LIMCH1: variants seen among roughly 807,000 people sequenced by gnomAD.
The protein encoded by LIMCH1 is LIM and calponin homology domains-containing protein 1.
In LIMCH1, 113 loss-of-function variants were observed where a neutral mutation model predicts 176.5. The ratio of observed to expected loss-of-function variants is 0.64; its 90% CI spans 0.55 to 0.75. LIMCH1 has a LOEUF of 0.75. Among genes scored for constraint, LIMCH1 ranks in the 30% least tolerant of loss-of-function variants. The probability of loss-of-function intolerance (pLI) is 0.00; values close to 1 mark genes in which losing one functional copy is unlikely to be tolerated. For synonymous variants in LIMCH1, 619 were observed against 645.9 expected (o/e 0.96, Z 0.63); for missense variants, 1,674 against 1,814.9 (o/e 0.92, Z 1.41).
At chr4:41,454,093 T>C (rs2064226408) in intron 1 of LIMCH1, among the ~76,000 whole-genome samples, 1 of 152,120 alleles carries the variant, frequency 6.6e-6, no homozygotes, top group Admixed American at 6.6e-5. Flanking sequence ...CTGTGCCCTG[T>C]TATTCTCTTT....
chr4:41,471,590 G>A (rs2066969526), intron 1 of LIMCH1, among the ~76,000 whole-genome samples: 1 of 152,154 alleles, frequency 6.6e-6, no homozygotes, highest in South Asian at 2.1e-4. Flanking sequence ...TGGTCATATA[G>A]CTAAGAAGTA....
intron 1 of LIMCH1, among the ~76,000 whole-genome samples, chr4:41,443,228 G>A (rs1231023952): frequency 2.0e-5 from 1 of 50,682 alleles, no homozygotes; most frequent in Non-Finnish European, 3.2e-5. Context: ...TTTTGAGACG[G>A]AGTCTCGCTC....
chr4:41,606,042 A>G (rs1199563431), intron 4 of LIMCH1, 38 bp downstream of exon 4: 1 of 1,402,532 alleles, frequency 7.1e-7, no homozygotes. Flanking sequence ...TAAGCGTTAG[A>G]CAAGGTGGGA....
intron 2 of LIMCH1, among the ~76,000 whole-genome samples, chr4:41,521,793 G>A (rs2152404196): frequency 6.6e-6 from 1 of 152,174 alleles, no homozygotes; most frequent in Admixed American, 6.5e-5. Context: ...CTACTTTTAA[G>A]TAAGGCCTAG....
intron 22 of LIMCH1, among the ~76,000 whole-genome samples, chr4:41,672,357 G>A (rs2095073075): frequency 6.6e-6 from 1 of 152,104 alleles, no homozygotes; most frequent in Non-Finnish European, 1.5e-5. Flanking sequence ...GTGACAGAGC[G>A]AGACTCCATC....
At chr4:41,565,480 TCAAA>T (rs1049708475) in intron 1 of LIMCH1, among the ~76,000 whole-genome samples, 14 of 151,230 alleles carry the variant, frequency 9.3e-5, no homozygotes, top group Admixed American at 8.6e-4. Context: ...TATATATATT[TCAAA>T]CTAGTGTTTG....
At chr4:41,542,844 C>T (rs993473905) in intron 1 of LIMCH1, among the ~76,000 whole-genome samples, 8 of 152,156 alleles carry the variant, frequency 5.3e-5, no homozygotes, top group South Asian at 4.1e-4. Context: ...ATATAGGGCT[C>T]ATATGAGTCA....
In LIMCH1 at chr4:41,547,880, TATATATATATATATATAA is replaced by T. The variant is rs1291568724; in HGVS notation, c.-241+9532_-241+9549del. On this transcript the variant is annotated intron_variant, in intron 1 of 31. Transcript: ENST00000503057. Reference sequence around the variant, plus strand: ...GTGTGTGTGTATATATATATATATATATATATATATATATATAAACAGTGAGTACATTACCTAGTGCAT... The same window carrying T: ...GTGTGTGTGTATATATATATATATATACAGTGAGTACATTACCTAGTGCAT... Among the ~76,000 whole-genome samples, 63 of 140,410 alleles carry T rather than the reference TATATATATATATATATAA, an allele frequency of 4.5e-4. No homozygotes were observed. In the East Asian group the frequency reaches 0.011, roughly 25 times the overall value. 92.1% of individuals were successfully genotyped at this position (140,410 alleles called of 152,430 possible).
chr4:41,672,583 A>G (rs2095084891), intron 22 of LIMCH1, among the ~76,000 whole-genome samples: 2 of 152,208 alleles, frequency 1.3e-5, no homozygotes, highest in Non-Finnish European at 2.9e-5. Context: ...TTGACCAATA[A>G]TAACTGTAAT....
At chr4:41,535,858 G>A (rs889670063), upstream of LIMCH1, among the ~76,000 whole-genome samples, 8 of 152,230 alleles carry the variant, frequency 5.3e-5, no homozygotes, top group East Asian at 1.4e-3. Context: ...TAGCAGTGCT[G>A]TAAAGCTTTT....
intron 1 of LIMCH1, among the ~76,000 whole-genome samples, chr4:41,553,214 C>T (rs1024684191): frequency 4.6e-5 from 7 of 152,108 alleles, no homozygotes; most frequent in African/African-American, 1.7e-4. Flanking sequence ...ACTGTGCATT[C>T]GGGGTTACAA....
intron 1 of LIMCH1, among the ~76,000 whole-genome samples, chr4:41,573,305 TTAAC>T (rs1294361653): frequency 2.6e-5 from 4 of 152,244 alleles, no homozygotes; most frequent in African/African-American, 4.8e-5. Context: ...TTTTCTAGAT[TTAAC>T]TATGATATGT....
At chr4:41,553,963 A>T (rs1448972363) in intron 1 of LIMCH1, among the ~76,000 whole-genome samples, 1 of 152,178 alleles carries the variant, frequency 6.6e-6, no homozygotes, top group Non-Finnish European at 1.5e-5. Flanking sequence ...ATTAGGCCAG[A>T]GCAAGTCAGG....
At chr4:41,443,573 T>G (rs1181348210) in intron 1 of LIMCH1, among the ~76,000 whole-genome samples, 1 of 152,234 alleles carries the variant, frequency 6.6e-6, no homozygotes, top group Non-Finnish European at 1.5e-5. Context: ...CAGCTGTATT[T>G]TTTTAAACCT....
At chr4:41,413,214 A>G (rs921233682) in intron 1 of LIMCH1, among the ~76,000 whole-genome samples, 2 of 131,890 alleles carry the variant, frequency 1.5e-5, no homozygotes, top group South Asian at 4.9e-4. Flanking sequence ...TGTAGACATA[A>G]TAAGTTTTTT....
intron 1 of LIMCH1, among the ~76,000 whole-genome samples, chr4:41,571,189 C>T (rs961713491): frequency 6.6e-6 from 1 of 151,600 alleles, no homozygotes; most frequent in Non-Finnish European, 1.5e-5. Flanking sequence ...GAGGACTGTT[C>T]GTTAGGGTAG....
At chr4:41,671,958 T>TA (rs2095055997) in intron 22 of LIMCH1, among the ~76,000 whole-genome samples, 1 of 148,996 alleles carries the variant, frequency 6.7e-6, no homozygotes, top group Non-Finnish European at 1.5e-5. Context: ...AAAAGAATAA[T>TA]TAAAAGTCAT....
intron 18 of LIMCH1, among the ~76,000 whole-genome samples, chr4:41,657,138 C>CT (rs1327473340): frequency 6.6e-6 from 1 of 152,242 alleles, no homozygotes; most frequent in Non-Finnish European, 1.5e-5. Context: ...CAGCTCCTGG[C>CT]TGAGTCCCAT....
intron 27 of LIMCH1, 94 bp from the exon 28 acceptor site, chr4:41,685,616 C>T: frequency 6.8e-7 from 1 of 1,473,000 alleles, no homozygotes; most frequent in South Asian, 1.2e-5. Context: ...GCTATAAAAC[C>T]TCAACAGGCA....
Sources: gnomAD v4.1 joint callset for allele counts (sites outside exome capture counted in the v4.1 genomes callset) on GRCh38, gnomAD v4.1.1 for gene constraint, MANE v1.5 for transcripts, NCBI Gene and HGNC (gene_info 2026-07-23, HGNC 2026-07-21) for gene names.